The following AFF1 variants were observed in gnomAD, a reference collection of about 807,000 sequenced individuals.
AFF1 encodes the protein ALF transcription elongation factor 1, also known as AF4/FMR2 family member 1.
In AFF1, 48 loss-of-function variants were observed where a neutral mutation model predicts 121.7. That is an observed-to-expected ratio of 0.39 (90% confidence interval 0.31 to 0.50). The LOEUF is 0.50. Among genes scored for constraint, AFF1 ranks in the 20% least tolerant of loss-of-function variants. The pLI is 0.76. For missense variants in AFF1, 1,523 were observed against 1,511.7 expected, an observed-to-expected ratio of 1.01 and a Z score of -0.12; for synonymous variants, 613 against 563.0, an observed-to-expected ratio of 1.09 and a Z score of -1.26.
intron 2 of AFF1, chr4:87,007,069 G>C: frequency 8.2e-7 from 1 of 1,213,902 alleles, no homozygotes; most frequent in Non-Finnish European, 1.0e-6. Context: ...CTTCGAGCGT[G>C]GGGGCCCGCT....
In AFF1 at chr4:87,084,270, G is replaced by A. The variant is rs549716535; in HGVS notation, c.1104+106G>A. On this transcript the variant is annotated intron_variant, in intron 5 of 20. Transcript: ENST00000395146. ...ACAGTTGCCATTGGCTGGGTGCGGT[G>A]GCTCATGCCTGTAATCCTAGCACTT... The A allele has an allele frequency of 1.4e-3, 1,768 of 1,227,118 alleles. 1 individual carries two copies. The highest frequency in any genetic ancestry group is 1.9e-3 in the Non-Finnish European group (1,635 of 839,682). 76.0% of individuals were successfully genotyped at this position (1,227,118 alleles called of 1,614,324 possible).
chr4:86,949,121 T>G (rs1032822536), intron 2 of AFF1, among the ~76,000 whole-genome samples: 4 of 151,914 alleles, frequency 2.6e-5, no homozygotes, highest in African/African-American at 9.7e-5. Flanking sequence ...GAAAGAATTG[T>G]TATCACTGAT....
chr4:86,967,052 A>G (rs1722586560), intron 2 of AFF1, among the ~76,000 whole-genome samples: 1 of 152,184 alleles, frequency 6.6e-6, no homozygotes, highest in Non-Finnish European at 1.5e-5. Flanking sequence ...GTGCCTTGGC[A>G]TATACTATTC....
In AFF1 at chr4:86,940,944, C is replaced by T. The variant is rs569525123; in HGVS notation, c.-37+5704C>T. 3.1e-4 allele frequency among the ~76,000 whole-genome samples: 47 copies of T among 151,626 alleles called. No individual in the cohort carries two copies. In the South Asian group the frequency reaches 4.0e-3, roughly 13 times the overall value. ...CTCTACTAAAAATACAAAAATTAGC[C>T]GGGTATTGTGTTGGACACCTGTAAT... is the stretch of plus-strand genomic sequence containing the variant. On this transcript the variant is annotated intron_variant, in intron 1 of 20. Transcript: ENST00000395146.
At position 87,139,573 on chromosome 4, in the gene AFF1, G is replaced by T. The variant is rs1486846559; in HGVS notation, c.*3872G>T. 1 of 229,896 alleles carries T rather than the reference G, an allele frequency of 4.3e-6. No homozygotes were observed. The highest frequency in any genetic ancestry group is 8.6e-6 in the Non-Finnish European group (1 of 115,888). The allele number at this position is 229,896 out of a possible 1,614,324, so 14.2% of individuals were successfully genotyped here. A position where few individuals can be genotyped will look rare whatever the true frequency, so the allele number is the denominator to read the frequency against. On this transcript the variant is annotated 3_prime_UTR_variant, in exon 21 of 21. Coordinates refer to ENST00000395146, the MANE Select transcript of AFF1 (RefSeq NM_001166693.3). ...TTTCTCACTGAAAAGTGAGAGTTAC[G>T]CATTGCAGCCATGAAGGGATGCTAG... is the stretch of plus-strand genomic sequence containing the variant.
rs759158240 is a variant in AFF1, at chr4:87,047,548, C to G, written c.1013C>G (p.Ala338Gly). The change falls in exon 4 of 21, where the codon GCC (alanine) becomes GGC (glycine). Residue 338 changes from alanine (A) to glycine (G), a missense_variant. Ala to Gly is a moderately conservative substitution (Grantham distance 60, BLOSUM62 0). Transcript: ENST00000395146. ...GAAAAAACAGACTTGAAAGTGCCTG[C>G]CAAAGCCAAGCTCACCAAACTGAAG... ...TFEKTDLKVP[A>G]KAKLTKLKMP... The G allele has an allele frequency of 3.1e-6, 5 of 1,614,192 alleles. No individual in the cohort carries two copies. Among genetic ancestry groups the G allele is most frequent in the Non-Finnish European group, 4.2e-6 (5 of 1,180,034 alleles).
At chr4:87,056,692 T>G (rs191999042) in intron 4 of AFF1, among the ~76,000 whole-genome samples, 2 of 152,296 alleles carry the variant, frequency 1.3e-5, no homozygotes, top group African/African-American at 4.8e-5. Flanking sequence ...CCATTAGATA[T>G]AAAGGGAGCT....
chr4:87,136,427 C>T lies in AFF1; in HGVS notation c.*726C>T, dbSNP rs980852281. The T allele has an allele frequency of 4.3e-6, 1 of 232,444 alleles. No individual in the cohort carries two copies. 14.4% of individuals were successfully genotyped at this position (232,444 alleles called of 1,614,324 possible). A position where few individuals can be genotyped will look rare whatever the true frequency, so the allele number is the denominator to read the frequency against. ...TGCTGAAAGTCAGCCCACGTCGGAG[C>T]GGTGAGGAGGAGCCACAGCACATGG... On this transcript the variant is annotated 3_prime_UTR_variant, in exon 21 of 21. Transcript: ENST00000395146.
At chr4:87,112,990 T>C (rs1405353365) in intron 11 of AFF1, among the ~76,000 whole-genome samples, 1 of 152,216 alleles carries the variant, frequency 6.6e-6, no homozygotes, top group Non-Finnish European at 1.5e-5. Context: ...AGAATACTCA[T>C]ATATCTCATG....
intron 6 of AFF1, among the ~76,000 whole-genome samples, chr4:87,090,374 G>T (rs539490344): frequency 2.0e-5 from 3 of 152,306 alleles, no homozygotes; most frequent in Admixed American, 2.0e-4. Context: ...GAAATTGAGT[G>T]TGTGATTTCT....
chr4:87,088,290 T>G (rs958346843), intron 5 of AFF1, among the ~76,000 whole-genome samples: 1 of 152,228 alleles, frequency 6.6e-6, no homozygotes, highest in Non-Finnish European at 1.5e-5. Context: ...GAGTTCACTT[T>G]TAACAAAAAT....
intron 2 of AFF1, chr4:86,949,801 A>G (rs973216641): frequency 1.5e-4 from 249 of 1,613,764 alleles, no homozygotes; most frequent in Non-Finnish European, 2.1e-4. Flanking sequence ...CCACTGGGAG[A>G]CACTGCGTCA....
intron 2 of AFF1, among the ~76,000 whole-genome samples, chr4:87,040,705 G>T (rs1029409477): frequency 2.0e-5 from 3 of 151,688 alleles, no homozygotes; most frequent in Non-Finnish European, 2.9e-5. Flanking sequence ...TAGTAGCTGG[G>T]ATTACAGGCG....
chr4:87,030,961 T>C (rs1047701678), intron 2 of AFF1, among the ~76,000 whole-genome samples: 5 of 152,250 alleles, frequency 3.3e-5, no homozygotes, highest in Admixed American at 6.5e-5. Flanking sequence ...AACTCCCACA[T>C]CCACACTCGG....
chr4:86,941,058 C>T (rs2149441159), intron 1 of AFF1, among the ~76,000 whole-genome samples: 1 of 152,018 alleles, frequency 6.6e-6, no homozygotes, highest in Non-Finnish European at 1.5e-5. Flanking sequence ...TGTGCCACTG[C>T]ACTCCAGCCT....
intron 8 of AFF1, among the ~76,000 whole-genome samples, chr4:87,103,164 A>G (rs1405107234): frequency 6.6e-6 from 1 of 152,190 alleles, no homozygotes; most frequent in Non-Finnish European, 1.5e-5. Flanking sequence ...TTTTTAATCA[A>G]AAACTTTAGA....
chr4:87,001,207 CTT>C (rs34072831), intron 2 of AFF1, among the ~76,000 whole-genome samples: 13 of 60,292 alleles, frequency 2.2e-4, no homozygotes, highest in African/African-American at 6.1e-4. Context: ...CCTTTTTCTA[CTT>C]TTTTTTTTTT....
Position 87,108,283 on chromosome 4 carries a change from G to A in AFF1, c.1501G>A (p.Glu501Lys). 1 of 1,613,928 alleles carries A rather than the reference G, an allele frequency of 6.2e-7. No homozygotes were observed. The highest frequency in any genetic ancestry group is 8.5e-7 in the Non-Finnish European group (1 of 1,180,004). The change falls in exon 11 of 21, where the codon GAA becomes AAA. Residue 501 changes from glutamate to lysine, a missense_variant. Around this residue, in one of 5 missense-constraint regions of AFF1, gnomAD observed 905 missense variants for 842.5 expected, o/e 1.07. Coordinates refer to ENST00000395146, the MANE Select transcript of AFF1 (RefSeq NM_001166693.3). ...CGAGAGCAGTTCAAGTGACAGCGAAGAAAATGAGCCCCTAGAAACCCCAGC... is the reference window on the plus strand; with the variant it reads ...CGAGAGCAGTTCAAGTGACAGCGAAAAAAATGAGCCCCTAGAAACCCCAGC... Reference protein sequence around the residue: ...ESESSSSDSEENEPLETPAPE... With the variant: ...ESESSSSDSEKNEPLETPAPE...
intron 2 of AFF1, among the ~76,000 whole-genome samples, chr4:86,952,113 A>T (rs1721395353): frequency 6.6e-6 from 1 of 151,958 alleles, no homozygotes; most frequent in Admixed American, 6.6e-5. Flanking sequence ...CTGTATCTTT[A>T]TATGTCATAA....
Sources: allele counts gnomAD v4.1 joint callset (sites outside exome capture counted in the v4.1 genomes callset), GRCh38; gene constraint gnomAD v4.1.1; regional missense constraint gnomAD v4.1.1; transcripts MANE v1.5; gene names NCBI Gene and HGNC (gene_info 2026-07-23, HGNC 2026-07-21).